Variants in MRTFB observed in about 807,000 individuals in gnomAD.
MRTFB encodes the protein myocardin related transcription factor B.
In MRTFB, 29 loss-of-function variants were observed where a neutral mutation model predicts 104.2. The observed-to-expected ratio is 0.28, with a 90% CI of 0.21 to 0.38. The LOEUF is 0.38. Among genes scored for constraint, MRTFB ranks in the 10% least tolerant of loss-of-function variants. The pLI, the probability that MRTFB is intolerant of heterozygous loss-of-function variation, is 1.00. For missense variants in MRTFB, 1,270 were observed against 1,341.6 expected, an observed-to-expected ratio of 0.95 and a Z score of 0.83; for synonymous variants, 535 against 519.5, an observed-to-expected ratio of 1.03 and a Z score of -0.41.
intron 3 of MRTFB, among the ~76,000 whole-genome samples, chr16:14,194,180 G>A (rs1001772526): frequency 6.6e-6 from 1 of 152,180 alleles, no homozygotes; most frequent in Non-Finnish European, 1.5e-5. Context: ...CTTCCCAGTT[G>A]TATTTGTATT....
In MRTFB at chr16:14,252,553, G is replaced by T. The variant is rs536821908; in HGVS notation, c.2703+51G>T. On this transcript the variant is annotated intron_variant, in intron 15 of 16. Coordinates refer to ENST00000571589, the MANE Select transcript of MRTFB (RefSeq NM_001308142.2). ...ATAAGGCTATGGTGGATGTGCCCAC[G>T]TTCAGTCTCGAGCAGACCTATACAG... is the stretch of plus-strand genomic sequence containing the variant. 2.5e-6 allele frequency: 4 copies of T among 1,605,454 alleles called. No homozygotes were observed. In the African/African-American group the frequency reaches 5.3e-5, roughly 21 times the overall value.
intron 3 of MRTFB, among the ~76,000 whole-genome samples, chr16:14,146,845 A>G (rs1364530832): frequency 6.6e-6 from 1 of 152,212 alleles, no homozygotes; most frequent in East Asian, 1.9e-4. Context: ...GAGCTGGTAT[A>G]ATGAATGAAT....
the MRTFB span, among the ~76,000 whole-genome samples, chr16:14,037,245 A>G: frequency 6.6e-6 from 1 of 152,168 alleles, no homozygotes; most frequent in East Asian, 1.9e-4. Flanking sequence ...ATTGCGTTTA[A>G]TTGATCGATG....
chr16:14,093,324 C>T (rs1480646820), intron 2 of MRTFB, among the ~76,000 whole-genome samples: 5 of 151,964 alleles, frequency 3.3e-5, no homozygotes, highest in African/African-American at 1.2e-4. Context: ...TGCCACCCTT[C>T]CATATGACAA....
rs1057267256 is a variant in MRTFB at position 14,263,060 on chromosome 16, CA to C, written c.*1620del. 1 of 152,406 alleles carries C rather than the reference CA, an allele frequency of 6.6e-6. No individual in the cohort carries two copies. Among genetic ancestry groups the C allele is most frequent in the African/African-American group, 2.4e-5 (1 of 41,468 alleles). 9.4% of individuals were successfully genotyped at this position (152,406 alleles called of 1,614,324 possible). ...GGTTTATAAATTTTACTACGTGTAA[CA>C]AAAGTCTGCTTTTCCAGCATGAGCA... On this transcript the variant is annotated 3_prime_UTR_variant, in exon 17 of 17. Coordinates refer to ENST00000571589, the MANE Select transcript of MRTFB (RefSeq NM_001308142.2).
the MRTFB span, among the ~76,000 whole-genome samples, chr16:14,061,130 C>T: frequency 1.9e-3 from 290 of 151,488 alleles, 1 homozygote; most frequent in African/African-American, 6.4e-3. Flanking sequence ...TGGGCGACAG[C>T]GCAAGACTCC....
the MRTFB span, among the ~76,000 whole-genome samples, chr16:14,059,652 G>A: frequency 1.3e-5 from 2 of 152,186 alleles, no homozygotes; most frequent in Non-Finnish European, 2.9e-5. Flanking sequence ...TGCAAACCAT[G>A]AGTGTTCCAG....
intron 3 of MRTFB, among the ~76,000 whole-genome samples, chr16:14,197,858 T>C (rs1597222974): frequency 6.6e-6 from 1 of 152,098 alleles, no homozygotes; most frequent in South Asian, 2.1e-4. Flanking sequence ...CAGCCAGGGG[T>C]GGGTAGGAAA....
chr16:14,097,550 A>G (rs2035454510), intron 2 of MRTFB, among the ~76,000 whole-genome samples: 1 of 152,232 alleles, frequency 6.6e-6, no homozygotes, highest in Admixed American at 6.5e-5. Flanking sequence ...TATAAAATGT[A>G]AACTGTTCTT....
intron 9 of MRTFB, among the ~76,000 whole-genome samples, chr16:14,238,113 C>G (rs756067689): frequency 6.6e-6 from 1 of 152,042 alleles, no homozygotes; most frequent in Non-Finnish European, 1.5e-5. Context: ...TGTCTGGAGA[C>G]GTTTCTGGTT....
chr16:14,090,353 T>C (rs1165114983), intron 2 of MRTFB, among the ~76,000 whole-genome samples: 1 of 152,232 alleles, frequency 6.6e-6, no homozygotes, highest in East Asian at 1.9e-4. Context: ...CTCCTAACCT[T>C]ACACCCAATG....
chr16:14,172,428 G>C (rs1044445247), intron 3 of MRTFB, among the ~76,000 whole-genome samples: 2 of 152,020 alleles, frequency 1.3e-5, no homozygotes, highest in African/African-American at 4.8e-5. Context: ...TATTCAGCCA[G>C]TCTCCTATGT....
chr16:14,070,643 G>A (rs1051473893), upstream of MRTFB, among the ~76,000 whole-genome samples: 6 of 152,252 alleles, frequency 3.9e-5, no homozygotes, highest in Non-Finnish European at 5.9e-5. Context: ...ACAGATTGTA[G>A]CAAATGACTT....
At chr16:14,011,170 G>C in the MRTFB span, among the ~76,000 whole-genome samples, 1 of 152,236 alleles carries the variant, frequency 6.6e-6, no homozygotes, top group African/African-American at 2.4e-5. Context: ...GTCATCCCAG[G>C]AGCCCAGGCA....
chr16:14,116,010 TA>T, intron 2 of MRTFB, among the ~76,000 whole-genome samples: 1 of 152,346 alleles, frequency 6.6e-6, no homozygotes, highest in Middle Eastern at 3.4e-3. Flanking sequence ...GTAATTGGCC[TA>T]AAACAAGTTT....
intron 2 of MRTFB, among the ~76,000 whole-genome samples, chr16:14,113,654 G>T (rs1009109804): frequency 6.6e-6 from 1 of 152,118 alleles, no homozygotes; most frequent in South Asian, 2.1e-4. Flanking sequence ...CTCCTAGCTC[G>T]ATGGCGGGAG....
intron 3 of MRTFB, among the ~76,000 whole-genome samples, chr16:14,173,630 T>A (rs2039490987): frequency 6.6e-6 from 1 of 152,168 alleles, no homozygotes; most frequent in South Asian, 2.1e-4. Context: ...TTCATGGAAT[T>A]TTCAGGCATT....
chr16:14,149,914 G>A (rs1447865194), intron 3 of MRTFB, among the ~76,000 whole-genome samples: 1 of 152,212 alleles, frequency 6.6e-6, no homozygotes, highest in Non-Finnish European at 1.5e-5. Flanking sequence ...AATGTGTGGT[G>A]GCAGGCCCCT....
the MRTFB span, among the ~76,000 whole-genome samples, chr16:14,025,285 A>T: frequency 6.6e-6 from 1 of 152,172 alleles, no homozygotes; most frequent in Non-Finnish European, 1.5e-5. Flanking sequence ...GCCTCAAGTG[A>T]TCCTCCCATC....
Sources: gnomAD v4.1 joint callset for allele counts (sites outside exome capture counted in the v4.1 genomes callset) on GRCh38, gnomAD v4.1.1 for gene constraint, MANE v1.5 for transcripts, NCBI Gene and HGNC (gene_info 2026-07-23, HGNC 2026-07-21) for gene names.